Variants in AGFG1 observed in about 807,000 individuals in gnomAD.
AGFG1 encodes ArfGAP with FG repeats 1, also known as arf-GAP domain and FG repeat-containing protein 1.
A neutral mutation model predicts 60.6 loss-of-function variants in AGFG1; 10 were observed. That is an observed-to-expected ratio of 0.16 (90% CI 0.10 to 0.28). The LOEUF is 0.28. Among genes scored for constraint, AGFG1 ranks in the 10% least tolerant of loss-of-function variants. AGFG1 has a pLI of 1.00. For missense variants in AGFG1, 537 were observed against 676.5 expected, an observed-to-expected ratio of 0.79 and a Z score of 2.29; for synonymous variants, 247 against 242.9, an observed-to-expected ratio of 1.02 and a Z score of -0.16.
rs559985310 is a variant in AGFG1, at chr2:227,516,536, T to C, written c.262-3412T>C. ...TGTAGAGGACTCAAGCAGCTATTTT[T>C]AATGACTTTTTTCTCTAGCAGTGTG... is the stretch of plus-strand genomic sequence containing the variant. On this transcript the variant is annotated intron_variant, in intron 2 of 12. Coordinates refer to ENST00000310078, the MANE Select transcript of AGFG1 (RefSeq NM_004504.5). Among the ~76,000 whole-genome samples the C allele has an allele frequency of 4.6e-5, 7 of 152,316 alleles. No homozygotes were observed. In the South Asian group the frequency reaches 1.5e-3, roughly 32 times the overall value.
At chr2:227,540,053 C>G (rs1692440448) in intron 10 of AGFG1, among the ~76,000 whole-genome samples, 1 of 152,106 alleles carries the variant, frequency 6.6e-6, no homozygotes, top group African/African-American at 2.4e-5. Flanking sequence ...CCAGACTGGT[C>G]TTGAACTCCT....
At chr2:227,538,295 A>T (rs1444556160) in intron 10 of AGFG1, among the ~76,000 whole-genome samples, 1 of 152,234 alleles carries the variant, frequency 6.6e-6, no homozygotes, top group Non-Finnish European at 1.5e-5. Flanking sequence ...TTAATTGAAC[A>T]TATTTTGAGT....
intron 2 of AGFG1, among the ~76,000 whole-genome samples, chr2:227,496,659 A>G (rs1559172905): frequency 6.6e-6 from 1 of 152,188 alleles, no homozygotes; most frequent in Non-Finnish European, 1.5e-5. Context: ...TTCTATTGGT[A>G]GTAACTATAA....
intron 2 of AGFG1, among the ~76,000 whole-genome samples, chr2:227,494,775 A>G (rs1268816925): frequency 2.0e-5 from 3 of 152,218 alleles, no homozygotes; most frequent in African/African-American, 7.2e-5. Context: ...ATTGTAGTTG[A>G]ACATCCTATT....
intron 5 of AGFG1, among the ~76,000 whole-genome samples, chr2:227,526,007 G>C (rs1691978209): frequency 6.6e-6 from 1 of 152,138 alleles, no homozygotes; most frequent in African/African-American, 2.4e-5. Context: ...TTTTCCATCA[G>C]ATATCAGAAT....
At chr2:227,527,304 G>A (rs1211149123) in intron 5 of AGFG1, among the ~76,000 whole-genome samples, 3 of 152,024 alleles carry the variant, frequency 2.0e-5, no homozygotes, top group African/African-American at 7.2e-5. Context: ...CATCTAAAAG[G>A]TACAATAAAC....
At chr2:227,512,011 C>T (rs1051257591) in intron 2 of AGFG1, among the ~76,000 whole-genome samples, 4 of 152,048 alleles carry the variant, frequency 2.6e-5, no homozygotes, top group African/African-American at 7.2e-5. Context: ...TTGATTTTTA[C>T]GTTAAGGAAG....
chr2:227,507,735 A>G (rs1371822774), intron 2 of AGFG1, among the ~76,000 whole-genome samples: 1 of 151,948 alleles, frequency 6.6e-6, no homozygotes, highest in Admixed American at 6.6e-5. Context: ...CATTAAAACT[A>G]TTTATAAATA....
At chr2:227,530,828 G>A (rs184157861) in intron 5 of AGFG1, among the ~76,000 whole-genome samples, 3 of 152,206 alleles carry the variant, frequency 2.0e-5, no homozygotes, top group Non-Finnish European at 4.4e-5. Flanking sequence ...TTATAGTACT[G>A]TGCTTGAGGT....
At chr2:227,508,749 A>G in intron 2 of AGFG1, 1 of 414,594 alleles carries the variant, frequency 2.4e-6, no homozygotes, top group South Asian at 1.8e-5. Context: ...CAGAAAAGTA[A>G]AACTAGTTGG....
intron 3 of AGFG1, among the ~76,000 whole-genome samples, chr2:227,520,817 G>C (rs1340397156): frequency 6.6e-6 from 1 of 152,132 alleles, no homozygotes; most frequent in Non-Finnish European, 1.5e-5. Context: ...CTTTCATCTT[G>C]GGAGGTTAAC....
In AGFG1 at chr2:227,533,752, G is replaced by A. The variant is rs267599235; in HGVS notation, c.1018G>A (p.Gly340Arg). 15 of 1,613,022 alleles carry A rather than the reference G, an allele frequency of 9.3e-6. No individual in the cohort carries two copies. The highest frequency in any genetic ancestry group is 1.2e-5 in the Non-Finnish European group (14 of 1,179,380). Reference protein sequence around the residue: ...LANLDNIFSAGQGGDQGSGFG... With the variant: ...LANLDNIFSARQGGDQGSGFG... The stretch of plus-strand genomic sequence containing the variant: ...TAATTTAGACAATATCTTCAGTGCC[G>A]GGCAAGGTATCAAGCTTTAAGCAAA... Residue 340 changes from glycine to arginine, a missense_variant, in exon 7 of 13, where the codon GGG becomes AGG. Coordinates refer to ENST00000310078, the MANE Select transcript of AGFG1 (RefSeq NM_004504.5).
intron 1 of AGFG1, among the ~76,000 whole-genome samples, chr2:227,487,758 A>G (rs968755576): frequency 6.6e-6 from 1 of 152,146 alleles, no homozygotes; most frequent in Non-Finnish European, 1.5e-5. Flanking sequence ...TGTGGGTGGT[A>G]TAGGGGCGAG....
chr2:227,482,325 T>C (rs578238469), intron 1 of AGFG1, among the ~76,000 whole-genome samples: 1 of 152,338 alleles, frequency 6.6e-6, no homozygotes, highest in South Asian at 2.1e-4. Flanking sequence ...ATCATGCTTA[T>C]TATTATATAT....
At chr2:227,549,707 C>G (rs1692764872) in intron 10 of AGFG1, among the ~76,000 whole-genome samples, 1 of 152,150 alleles carries the variant, frequency 6.6e-6, no homozygotes, top group Non-Finnish European at 1.5e-5. Flanking sequence ...TCATATGATC[C>G]TATGAATAGC....
chr2:227,547,159 A>G (rs1559200242), intron 10 of AGFG1, among the ~76,000 whole-genome samples: 1 of 152,340 alleles, frequency 6.6e-6, no homozygotes, highest in African/African-American at 2.4e-5. Flanking sequence ...ACTATTCCTT[A>G]TATCTAAATA....
chr2:227,520,058 A>G lies in AGFG1; in HGVS notation c.372A>G (p.Lys124=). The G allele has an allele frequency of 6.4e-7, 1 of 1,566,886 alleles. No homozygotes were observed. The highest frequency in any genetic ancestry group is 8.6e-7 in the Non-Finnish European group (1 of 1,158,178). Residue 124 remains lysine (K), a synonymous_variant, in exon 3 of 13, where the codon AAA becomes AAG. Transcript: ENST00000310078. ...KEFLQEKYEK[K]RWYVPPEQAK... ...TTCTACAAGAAAAGTATGAAAAGAA[A>G]AGATGGTGAGTGAAGAGTTTGTATG...
chr2:227,536,590 GAAAA>G (rs113750157), intron 8 of AGFG1, 31 bp from the exon 9 acceptor site: 1 of 1,555,620 alleles, frequency 6.4e-7, no homozygotes, highest in Non-Finnish European at 8.8e-7. Context: ...TTTTTTTTAA[GAAAA>G]AAAATGAACT....
At chr2:227,493,212 T>C (rs552425871) in intron 2 of AGFG1, among the ~76,000 whole-genome samples, 1 of 152,148 alleles carries the variant, frequency 6.6e-6, no homozygotes, top group African/African-American at 2.4e-5. Context: ...TTTTTAGATG[T>C]GCAGTATTCT....
Sources: gnomAD v4.1 joint callset for allele counts (sites outside exome capture counted in the v4.1 genomes callset) on GRCh38, gnomAD v4.1.1 for gene constraint, MANE v1.5 for transcripts, NCBI Gene and HGNC (gene_info 2026-07-23, HGNC 2026-07-21) for gene names.